The following FNIP2 variants were observed in gnomAD, a reference collection of about 807,000 sequenced individuals.
FNIP2 encodes the protein folliculin-interacting protein 2.
A neutral mutation model predicts 108.7 loss-of-function variants in FNIP2; 32 were observed. The ratio of observed to expected loss-of-function variants is 0.29; its 90% CI spans 0.22 to 0.40. The LOEUF (loss-of-function observed/expected upper bound fraction) is 0.40, where lower values mean the gene tolerates loss of function less well. Ranked by LOEUF, FNIP2 falls within the 10% of genes least tolerant of loss-of-function variation. FNIP2 has a pLI of 1.00. For synonymous variants in FNIP2, 480 were observed against 496.7 expected, an observed-to-expected ratio of 0.97 and a Z score of 0.45; for missense variants, 1,202 against 1,381.6, an observed-to-expected ratio of 0.87 and a Z score of 2.06.
In FNIP2 at chr4:158,861,534, A is replaced by G. The variant is rs200386993; in HGVS notation, c.1295+46A>G. ...GACTTGTATGCAAATCTCATGGCCA[A>G]TGTGTGTACTGCATAGGATGTGCCT... On this transcript the variant is annotated intron_variant, in intron 11 of 16. Coordinates refer to ENST00000264433, the MANE Select transcript of FNIP2 (RefSeq NM_020840.3). The G allele has an allele frequency of 2.9e-4, 463 of 1,613,672 alleles. 6 individuals carry two copies. The East Asian group carries it at 6.1e-3, about 21-fold the overall frequency.
intron 1 of FNIP2, among the ~76,000 whole-genome samples, chr4:158,784,294 G>A (rs1266992469): frequency 3.3e-5 from 5 of 152,086 alleles, no homozygotes. Context: ...TCCAAACTCG[G>A]TTTAGATGCC....
intron 1 of FNIP2, chr4:158,806,212 C>T (rs753738809): frequency 4.7e-6 from 6 of 1,278,698 alleles, no homozygotes; most frequent in Non-Finnish European, 5.1e-6. Flanking sequence ...TGTTTATGGT[C>T]AGGATAAACC....
intron 7 of FNIP2, among the ~76,000 whole-genome samples, chr4:158,838,919 C>T (rs554002870): frequency 6.6e-6 from 1 of 152,198 alleles, no homozygotes; most frequent in Admixed American, 6.5e-5. Flanking sequence ...TAGATTGCCC[C>T]ATTATTAGAA....
chr4:158,787,634 A>T (rs201389756), intron 1 of FNIP2, among the ~76,000 whole-genome samples: 2 of 152,198 alleles, frequency 1.3e-5, no homozygotes, highest in East Asian at 3.8e-4. Context: ...TGTAGTTAAA[A>T]AACTGTTATG....
Position 158,868,610 on chromosome 4 carries a change from G to A in FNIP2, c.1974G>A (p.Pro658=), listed in dbSNP as rs781199653. Residue 658 remains proline, a synonymous_variant, in exon 13 of 17, where the codon CCG becomes CCA. Transcript: ENST00000264433. This position sits in a 1 kb window ranked among gnomAD's most constrained non-coding sequence, Gnocchi z 4.6. ...GGGATGAGAAAAATAAAGAGGCACC[G>A]CAAGATGGCTCTTCAAGACTTCCCA... ...FCGDEKNKEA[P]QDGSSRLPSC... 49 of 1,613,790 alleles carry A rather than the reference G, an allele frequency of 3.0e-5. No homozygotes were observed. The highest frequency in any genetic ancestry group is 1.8e-4 in the East Asian group (8 of 44,872).
intron 1 of FNIP2, among the ~76,000 whole-genome samples, chr4:158,778,708 T>C (rs1253768681): frequency 2.0e-5 from 3 of 152,218 alleles, no homozygotes. Flanking sequence ...AAACATAGTA[T>C]ATACAGGGTT....
intron 1 of FNIP2, among the ~76,000 whole-genome samples, chr4:158,790,351 C>T (rs909695174): frequency 7.9e-5 from 12 of 151,920 alleles, no homozygotes; most frequent in Middle Eastern, 3.4e-3. Flanking sequence ...CCTGGCCATT[C>T]TATAAAAACC....
intron 1 of FNIP2, among the ~76,000 whole-genome samples, chr4:158,820,418 T>C (rs575658033): frequency 4.9e-4 from 74 of 152,348 alleles, no homozygotes; most frequent in Non-Finnish European, 2.5e-4. Flanking sequence ...TACTGCTCTT[T>C]TGCTTATTGG....
chr4:158,783,536 A>G (rs1321711547), intron 1 of FNIP2, among the ~76,000 whole-genome samples: 1 of 152,168 alleles, frequency 6.6e-6, no homozygotes, highest in East Asian at 1.9e-4. Context: ...TTTTCTTTTC[A>G]TCTTAGAAAT....
chr4:158,847,039 C>A (rs1463699859), intron 7 of FNIP2, among the ~76,000 whole-genome samples: 1 of 152,168 alleles, frequency 6.6e-6, no homozygotes, highest in East Asian at 1.9e-4. Context: ...CTGGTGCCCA[C>A]GGAGCACTTA....
chr4:158,856,444 G>A (rs557530219), intron 8 of FNIP2, among the ~76,000 whole-genome samples: 112 of 152,208 alleles, frequency 7.4e-4, no homozygotes, highest in African/African-American at 2.6e-3. Flanking sequence ...AATGATTATC[G>A]ATAAGTGTTA....
intron 1 of FNIP2, among the ~76,000 whole-genome samples, chr4:158,785,408 T>A (rs1776193317): frequency 6.6e-6 from 1 of 152,142 alleles, no homozygotes; most frequent in South Asian, 2.1e-4. Flanking sequence ...AACATAAATT[T>A]GTCTCCAAAT....
intron 1 of FNIP2, among the ~76,000 whole-genome samples, chr4:158,820,096 T>A (rs1777798511): frequency 6.6e-6 from 1 of 152,232 alleles, no homozygotes; most frequent in African/African-American, 2.4e-5. Context: ...TTATTGTTTG[T>A]TTTTGTTTTG....
At chr4:158,829,916 T>C (rs952890959) in intron 3 of FNIP2, among the ~76,000 whole-genome samples, 10 of 152,200 alleles carry the variant, frequency 6.6e-5, no homozygotes, top group Non-Finnish European at 1.3e-4. Context: ...CTAGGGAAGT[T>C]ACCAGCAAAT....
chr4:158,844,913 C>T (rs1779316679), intron 7 of FNIP2, among the ~76,000 whole-genome samples: 1 of 152,182 alleles, frequency 6.6e-6, no homozygotes, highest in Non-Finnish European at 1.5e-5. Flanking sequence ...ATTCTCTTTT[C>T]TTGTTGTTAA....
intron 7 of FNIP2, among the ~76,000 whole-genome samples, chr4:158,838,575 T>A (rs539617262): frequency 8.5e-5 from 13 of 152,288 alleles, no homozygotes; most frequent in Middle Eastern, 3.4e-3. Flanking sequence ...GGGAAATTTT[T>A]AAAAATAGTT....
rs1264589618 is a variant in FNIP2, at chr4:158,847,186, C to T, written c.728-4135C>T. Among the ~76,000 whole-genome samples the T allele has an allele frequency of 2.0e-5, 3 of 152,332 alleles. No individual in the cohort carries two copies. The East Asian group carries it at 5.8e-4, about 29-fold the overall frequency. On this transcript the variant is annotated intron_variant, in intron 7 of 16. Transcript: ENST00000264433. ...AAGGCTGTCTAGACCACAAGGACTG[C>T]AACTCCTGGGCCAGTTCTGATGCTG...
At chr4:158,884,842 TA>T (rs1264860644) in intron 14 of FNIP2, among the ~76,000 whole-genome samples, 45 of 151,910 alleles carry the variant, frequency 3.0e-4, no homozygotes, top group African/African-American at 1.1e-3. Context: ...TACCACACTT[TA>T]AAACCGTCAG....
chr4:158,839,208 G>A (rs1050112806), intron 7 of FNIP2, among the ~76,000 whole-genome samples: 1 of 152,128 alleles, frequency 6.6e-6, no homozygotes, highest in Non-Finnish European at 1.5e-5. Context: ...GCCCCTCCTT[G>A]AGGACAGAGT....
Sources: gnomAD v4.1 joint callset for allele counts (sites outside exome capture counted in the v4.1 genomes callset) on GRCh38, gnomAD v4.1.1 for gene constraint, Gnocchi (gnomAD v3.1) non-coding constraint, MANE v1.5 for transcripts, NCBI Gene and HGNC (gene_info 2026-07-23, HGNC 2026-07-21) for gene names.